Variants in COMMD10 observed in about 807,000 individuals in gnomAD.
COMMD10 encodes COMM domain containing 10.
A neutral mutation model predicts 28.9 loss-of-function variants in COMMD10; 33 were observed. The observed-to-expected ratio is 1.14, with a 90% CI of 0.87 to 1.53. The LOEUF (loss-of-function observed/expected upper bound fraction) is 1.53, where lower values mean the gene tolerates loss of function less well. COMMD10 is among the 40% of genes most tolerant of loss of function. COMMD10 has a pLI of 0.00. For missense variants in COMMD10, 310 were observed against 233.4 expected (o/e 1.33, Z -2.14); for synonymous variants, 110 against 81.7 (o/e 1.35, Z -1.87).
intron 5 of COMMD10, among the ~76,000 whole-genome samples, chr5:116,216,479 T>G (rs903093028): frequency 6.6e-6 from 1 of 152,204 alleles, no homozygotes; most frequent in Non-Finnish European, 1.5e-5. Flanking sequence ...TTACAAACAT[T>G]ACAGTCATCA....
intron 5 of COMMD10, among the ~76,000 whole-genome samples, chr5:116,177,468 T>C (rs2112590907): frequency 6.6e-6 from 1 of 152,198 alleles, no homozygotes; most frequent in South Asian, 2.1e-4. Flanking sequence ...CAACCTAGTG[T>C]CATTTTTCTA....
chr5:116,247,334 T>G (rs1749980734), intron 5 of COMMD10, among the ~76,000 whole-genome samples: 1 of 152,012 alleles, frequency 6.6e-6, no homozygotes. Flanking sequence ...TTGGTGAGGT[T>G]GTGGAGAAAA....
chr5:116,244,168 A>AT (rs5870693), intron 5 of COMMD10, among the ~76,000 whole-genome samples: 58,003 of 151,858 alleles, frequency 0.38, 14,094 homozygotes, highest in African/African-American at 0.7. Flanking sequence ...AAGAAAATAT[A>AT]GGTTGAGGTA....
intron 5 of COMMD10, among the ~76,000 whole-genome samples, chr5:116,174,731 A>G (rs1016567882): frequency 6.6e-6 from 1 of 152,152 alleles, no homozygotes; most frequent in Non-Finnish European, 1.5e-5. Flanking sequence ...TTACTTGCCT[A>G]TAGTTGTCTT....
intron 5 of COMMD10, among the ~76,000 whole-genome samples, chr5:116,181,340 T>A (rs867616030): frequency 2.8e-4 from 43 of 151,352 alleles, no homozygotes; most frequent in Admixed American, 2.5e-3. Flanking sequence ...TTATCAGTGT[T>A]CTTATTATTG....
At chr5:116,202,016 T>G (rs1341868009) in intron 5 of COMMD10, among the ~76,000 whole-genome samples, 1 of 151,098 alleles carries the variant, frequency 6.6e-6, no homozygotes, top group Non-Finnish European at 1.5e-5. Context: ...TAGGTATATC[T>G]CCTAATGCTA....
chr5:116,232,677 TG>T (rs202143754), intron 5 of COMMD10, among the ~76,000 whole-genome samples: 11,100 of 152,198 alleles, frequency 0.073, 477 homozygotes, highest in Admixed American at 0.13. Context: ...CACTCCAGCC[TG>T]GGCAACAGAG....
At chr5:116,108,865 A>G (rs1408302159) in intron 4 of COMMD10, among the ~76,000 whole-genome samples, 1 of 152,038 alleles carries the variant, frequency 6.6e-6, no homozygotes, top group Non-Finnish European at 1.5e-5. Flanking sequence ...GGTTGTGAAG[A>G]CCGTGGGAAA....
At chr5:116,101,073 C>T (rs1410854202) in intron 4 of COMMD10, among the ~76,000 whole-genome samples, 3 of 152,166 alleles carry the variant, frequency 2.0e-5, no homozygotes, top group Non-Finnish European at 4.4e-5. Flanking sequence ...AGATATGATT[C>T]TGTTCTTTTT....
intron 5 of COMMD10, among the ~76,000 whole-genome samples, chr5:116,266,693 C>A (rs530645912): frequency 1.3e-5 from 2 of 151,744 alleles, no homozygotes; most frequent in African/African-American, 4.9e-5. Context: ...TGCAAAAATC[C>A]TCAATAAAAC....
intron 3 of COMMD10, 57 bp downstream of exon 3, chr5:116,091,246 G>C: frequency 1.2e-6 from 1 of 850,524 alleles, no homozygotes; most frequent in Non-Finnish European, 1.9e-6. Context: ...TATTTGTATT[G>C]TTATGATATC....
intron 5 of COMMD10, among the ~76,000 whole-genome samples, chr5:116,226,641 C>T (rs1287999971): frequency 1.4e-5 from 2 of 142,158 alleles, no homozygotes; most frequent in Admixed American, 6.9e-5. Context: ...GAAAACCAAG[C>T]CCTGTAGTAA....
At chr5:116,169,038 AAAAAAAAATCAAT>A (rs1753228750) in intron 5 of COMMD10, among the ~76,000 whole-genome samples, 1 of 149,624 alleles carries the variant, frequency 6.7e-6, no homozygotes, top group East Asian at 2.0e-4. Flanking sequence ...AAATTCATTC[AAAAAAAAATCAAT>A]GAATCCAGGA....
At chr5:116,247,600 G>A (rs1749987838) in intron 5 of COMMD10, among the ~76,000 whole-genome samples, 1 of 152,154 alleles carries the variant, frequency 6.6e-6, no homozygotes, top group South Asian at 2.1e-4. Flanking sequence ...AGAAAATGTG[G>A]TACATACACA....
intron 2 of COMMD10, 52 bp from the exon 3 acceptor site, chr5:116,091,027 T>G (rs1750278350): frequency 1.8e-6 from 2 of 1,099,884 alleles, no homozygotes; most frequent in Non-Finnish European, 2.7e-6. Flanking sequence ...CAAGTATGAA[T>G]TTTGAATGCC....
chr5:116,204,700 C>T (rs1748766303), intron 5 of COMMD10, among the ~76,000 whole-genome samples: 1 of 152,052 alleles, frequency 6.6e-6, no homozygotes, highest in Non-Finnish European at 1.5e-5. Flanking sequence ...AAATTCAGCA[C>T]CATAATTAAA....
intron 5 of COMMD10, among the ~76,000 whole-genome samples, chr5:116,265,649 A>G (rs1309162472): frequency 1.3e-5 from 2 of 151,864 alleles, no homozygotes; most frequent in Non-Finnish European, 2.9e-5. Context: ...CATGTGGAAC[A>G]TAAAAAATGA....
intron 5 of COMMD10, among the ~76,000 whole-genome samples, chr5:116,274,430 T>C (rs934887139): frequency 2.0e-5 from 3 of 151,786 alleles, no homozygotes; most frequent in African/African-American, 7.3e-5. Context: ...TGTGTTCCAA[T>C]AAACCTTTAT....
intron 4 of COMMD10, among the ~76,000 whole-genome samples, chr5:116,116,961 T>C (rs1272425888): frequency 6.6e-6 from 1 of 152,252 alleles, no homozygotes; most frequent in African/African-American, 2.4e-5. Context: ...GAAATTACTT[T>C]CAACCTCATC....
Sources: allele counts gnomAD v4.1 joint callset (sites outside exome capture counted in the v4.1 genomes callset), GRCh38; gene constraint gnomAD v4.1.1; transcripts MANE v1.5; gene names NCBI Gene and HGNC (gene_info 2026-07-23, HGNC 2026-07-21).